DPP10: variants seen among roughly 807,000 people sequenced by gnomAD.
DPP10 encodes inactive dipeptidyl peptidase 10.
In DPP10, 33 loss-of-function variants were observed where a neutral mutation model predicts 120.9. That is an observed-to-expected ratio of 0.27 (90% CI 0.21 to 0.37). DPP10 has a LOEUF of 0.37. Among genes scored for constraint, DPP10 ranks in the 10% least tolerant of loss-of-function variants. DPP10 has a pLI of 1.00. For synonymous variants in DPP10, 337 were observed against 326.1 expected, an observed-to-expected ratio of 1.03 and a Z score of -0.36; for missense variants, 816 against 942.8, an observed-to-expected ratio of 0.87 and a Z score of 1.76.
chr2:114,868,122 C>A (rs1690385887), intron 1 of DPP10, among the ~76,000 whole-genome samples: 1 of 152,126 alleles, frequency 6.6e-6, no homozygotes, highest in African/African-American at 2.4e-5. Context: ...AGCATTTTAA[C>A]AGGTGCATCA....
chr2:114,827,390 T>A (rs185507521), intron 1 of DPP10, among the ~76,000 whole-genome samples: 3 of 152,302 alleles, frequency 2.0e-5, no homozygotes, highest in Non-Finnish European at 4.4e-5. Context: ...AGATACTGGT[T>A]TGTCTATAGA....
At chr2:115,780,779 C>T in intron 15 of DPP10, 95 bp from the exon 16 acceptor site, 2 of 1,199,716 alleles carry the variant, frequency 1.7e-6, no homozygotes, top group Non-Finnish European at 2.3e-6. Flanking sequence ...ACCGATGTAA[C>T]TCCCTTGTTT....
intron 1 of DPP10, among the ~76,000 whole-genome samples, chr2:115,029,446 G>T (rs1703691725): frequency 6.7e-6 from 1 of 149,796 alleles, no homozygotes; most frequent in South Asian, 2.1e-4. Context: ...ATTTCTTTTT[G>T]CACATTAGCG....
chr2:115,229,710 CTATTCTATTCTATTCTA>C (rs1376293533), intron 1 of DPP10, among the ~76,000 whole-genome samples: 56 of 146,936 alleles, frequency 3.8e-4, no homozygotes, highest in African/African-American at 1.4e-3. Context: ...CTATTCTATT[CTATTCTATTCTATTCTA>C]TTCTATTCTA....
intron 1 of DPP10, among the ~76,000 whole-genome samples, chr2:114,625,322 T>C (rs893804787): frequency 6.6e-6 from 1 of 152,022 alleles, no homozygotes; most frequent in African/African-American, 2.4e-5. Flanking sequence ...AGTTGTTGGT[T>C]AGATCTAGAG....
intron 3 of DPP10, among the ~76,000 whole-genome samples, chr2:115,400,382 A>T (rs1161808095): frequency 6.6e-6 from 1 of 152,030 alleles, no homozygotes; most frequent in African/African-American, 2.4e-5. Flanking sequence ...TTTATAATGG[A>T]CTTCTAGCTT....
chr2:115,200,409 A>G (rs2055614840), intron 1 of DPP10, among the ~76,000 whole-genome samples: 1 of 151,960 alleles, frequency 6.6e-6, no homozygotes, highest in Admixed American at 6.5e-5. Flanking sequence ...CCCCAAAGTC[A>G]TTAAGTAGCT....
chr2:115,420,560 G>A (rs570181856), intron 3 of DPP10, among the ~76,000 whole-genome samples: 2 of 152,166 alleles, frequency 1.3e-5, no homozygotes, highest in East Asian at 1.9e-4. Context: ...CATGTTGCTC[G>A]GGCACAATGA....
intron 1 of DPP10, among the ~76,000 whole-genome samples, chr2:114,830,305 C>T (rs1686980786): frequency 6.6e-6 from 1 of 152,128 alleles, no homozygotes; most frequent in Non-Finnish European, 1.5e-5. Context: ...ATTCAGTCAA[C>T]CTGCTTTGCT....
intron 1 of DPP10, among the ~76,000 whole-genome samples, chr2:115,252,204 A>G (rs1038078628): frequency 2.6e-5 from 4 of 152,184 alleles, no homozygotes; most frequent in Non-Finnish European, 5.9e-5. Flanking sequence ...ACTCTCGTGA[A>G]TTTCATGACT....
At chr2:114,743,546 C>T (rs77894686) in intron 1 of DPP10, among the ~76,000 whole-genome samples, 1 of 151,988 alleles carries the variant, frequency 6.6e-6, no homozygotes, top group Non-Finnish European at 1.5e-5. Context: ...AAGCAATATT[C>T]CCAAATCTAC....
At chr2:114,792,055 C>A (rs1683294901) in intron 1 of DPP10, among the ~76,000 whole-genome samples, 1 of 152,044 alleles carries the variant, frequency 6.6e-6, no homozygotes, top group Non-Finnish European at 1.5e-5. Flanking sequence ...ATTGACATAG[C>A]CTGTTTCCTT....
chr2:115,585,424 A>G (rs1207659275), intron 5 of DPP10, among the ~76,000 whole-genome samples: 4 of 152,318 alleles, frequency 2.6e-5, no homozygotes, highest in Admixed American at 6.5e-5. Context: ...TATTTAGTCA[A>G]TTTATCAAGG....
chr2:115,393,810 A>G (rs2067483480), intron 3 of DPP10, among the ~76,000 whole-genome samples: 1 of 152,232 alleles, frequency 6.6e-6, no homozygotes, highest in African/African-American at 2.4e-5. Flanking sequence ...ATAAGCTGGT[A>G]TACCAAGCAT....
At position 114,947,728 on chromosome 2, in the gene DPP10, TC is replaced by T. The variant is rs1258156696; in HGVS notation, c.61-361510del. ...ATGACATTTCTGAGTCTGAGTTAACTCTAAAAACATACTTATGTTTTTAAAT... is the reference window on the plus strand; with the variant it reads ...ATGACATTTCTGAGTCTGAGTTAACTTAAAAACATACTTATGTTTTTAAAT... On this transcript the variant is annotated intron_variant, in intron 1 of 25. Coordinates refer to ENST00000410059, the MANE Select transcript of DPP10 (RefSeq NM_020868.6). 3.3e-5 allele frequency among the ~76,000 whole-genome samples: 5 copies of T among 152,222 alleles called. No individual in the cohort carries two copies. The East Asian group carries it at 9.6e-4, about 29-fold the overall frequency.
intron 5 of DPP10, among the ~76,000 whole-genome samples, chr2:115,544,339 C>T (rs4849407): frequency 0.19 from 28,373 of 151,852 alleles, 3,327 homozygotes; most frequent in East Asian, 0.39. Context: ...CATATGTGTC[C>T]ATGATTGACA....
chr2:115,805,540 A>T (rs1685838222), intron 19 of DPP10, among the ~76,000 whole-genome samples: 1 of 150,254 alleles, frequency 6.7e-6, no homozygotes, highest in African/African-American at 2.5e-5. Flanking sequence ...GGAGCTGTAG[A>T]CTGGAGCTGT....
At chr2:115,565,910 C>A (rs1203310356) in intron 5 of DPP10, among the ~76,000 whole-genome samples, 1 of 151,796 alleles carries the variant, frequency 6.6e-6, no homozygotes, top group African/African-American at 2.4e-5. Context: ...CTCAGCCTCC[C>A]ATGTAGCTGG....
intron 19 of DPP10, among the ~76,000 whole-genome samples, chr2:115,805,039 C>G (rs1432272547): frequency 6.6e-6 from 1 of 152,188 alleles, no homozygotes; most frequent in African/African-American, 2.4e-5. Flanking sequence ...GTGGAGCCTA[C>G]AGAGGCAGGC....
Sources: gnomAD v4.1 joint callset for allele counts (sites outside exome capture counted in the v4.1 genomes callset) on GRCh38, gnomAD v4.1.1 for gene constraint, MANE v1.5 for transcripts, NCBI Gene and HGNC (gene_info 2026-07-23, HGNC 2026-07-21) for gene names.